GOLM1: variants seen among roughly 807,000 people sequenced by gnomAD.
The protein encoded by GOLM1 is golgi membrane protein 1.
In GOLM1, 31 loss-of-function variants were observed where a neutral mutation model predicts 50.5. The ratio of observed to expected loss-of-function variants is 0.61; its 90% CI spans 0.46 to 0.83. The LOEUF is 0.83. GOLM1 is among the 40% of genes least tolerant of loss of function. The probability of loss-of-function intolerance (pLI) is 0.00; values close to 1 mark genes in which losing one functional copy is unlikely to be tolerated. For missense variants in GOLM1, 491 were observed against 501.3 expected, an observed-to-expected ratio of 0.98 and a Z score of 0.20; for synonymous variants, 178 against 192.8, an observed-to-expected ratio of 0.92 and a Z score of 0.64.
chr9:86,031,449 GTTT>G lies in GOLM1; in HGVS notation c.1129+1830_1129+1832del, dbSNP rs774806772. ...ACCTTATACAAACAATACCACTGAG[GTTT>G]TTTTTTTTTTTTTTTTTTTTTTCCC... On this transcript the variant is annotated intron_variant, in intron 9 of 9. Coordinates refer to ENST00000388712, the MANE Select transcript of GOLM1 (RefSeq NM_016548.4). Among the ~76,000 whole-genome samples, 3 of 79,494 alleles carry G rather than the reference GTTT, an allele frequency of 3.8e-5. 1 individual carries two copies. The highest frequency in any genetic ancestry group is 3.4e-4 in the Admixed American group (2 of 5,944). 52.2% of individuals were successfully genotyped at this position (79,494 alleles called of 152,430 possible). A position where few individuals can be genotyped will look rare whatever the true frequency, so the allele number is the denominator to read the frequency against.
At chr9:86,043,422 A>C (rs1005813445) in intron 5 of GOLM1, among the ~76,000 whole-genome samples, 2 of 152,154 alleles carry the variant, frequency 1.3e-5, no homozygotes, top group Non-Finnish European at 2.9e-5. Flanking sequence ...ACCAGACAGG[A>C]TGTTTTAAGG....
intron 3 of GOLM1, among the ~76,000 whole-genome samples, chr9:86,060,693 A>G (rs1321420026): frequency 6.6e-6 from 1 of 151,896 alleles, no homozygotes; most frequent in African/African-American, 2.4e-5. Flanking sequence ...ACCAGCCTCA[A>G]CATGGAGAAG....
At chr9:86,098,969 G>A (rs1314598036) in intron 1 of GOLM1, among the ~76,000 whole-genome samples, 3 of 152,220 alleles carry the variant, frequency 2.0e-5, no homozygotes, top group Non-Finnish European at 4.4e-5. Flanking sequence ...GGAGCCGAGA[G>A]ACTCGCGGCT....
At position 86,077,525 on chromosome 9, in the gene GOLM1, T is replaced by C; in HGVS notation, c.196A>G (p.Lys66Glu). Reference sequence around the variant, plus strand: ...AGCTCTCCCTGGAACTCGTTCTTCTTCAGCTCCACGGCGCCTCTCTCTGCA... The same window carrying C: ...AGCTCTCCCTGGAACTCGTTCTTCTCCAGCTCCACGGCGCCTCTCTCTGCA... ...AAAERGAVEL[K>E]KNEFQGELEK... Residue 66 changes from lysine (K) to glutamate (E), a missense_variant, in exon 3 of 10, where the codon AAG becomes GAG. Physicochemically the swap from Lys to Glu is moderately conservative, Grantham distance 56. Transcript: ENST00000388712. 6.2e-7 allele frequency: 1 copy of C among 1,613,474 alleles called. No homozygotes were observed. The highest frequency in any genetic ancestry group is 8.5e-7 in the Non-Finnish European group (1 of 1,179,344).
At chr9:86,077,168 T>A (rs1172569523) in intron 3 of GOLM1, among the ~76,000 whole-genome samples, 5 of 150,790 alleles carry the variant, frequency 3.3e-5, no homozygotes, top group African/African-American at 1.2e-4. Flanking sequence ...AATAGGAGGA[T>A]GAATCTGAAA....
intron 9 of GOLM1, among the ~76,000 whole-genome samples, chr9:86,029,248 TAACAGTGACATA>T (rs1013234316): frequency 1.0e-3 from 153 of 152,318 alleles, no homozygotes; most frequent in Middle Eastern, 3.4e-3. Flanking sequence ...TACTTGTTTG[TAACAGTGACATA>T]ATGCCCCATA....
intron 1 of GOLM1, among the ~76,000 whole-genome samples, chr9:86,091,452 C>CT (rs11331870): frequency 1.4e-3 from 207 of 149,408 alleles, no homozygotes; most frequent in African/African-American, 3.7e-3. Flanking sequence ...AAGAATGCAG[C>CT]TTTTTTTTTT....
chr9:86,035,671 T>TTAA, intron 7 of GOLM1, 46 bp from the exon 8 acceptor site: 1 of 872,644 alleles, frequency 1.1e-6, no homozygotes, highest in Non-Finnish European at 1.6e-6. Context: ...GCATTTGATT[T>TTAA]AAAAAAAAAA....
intron 5 of GOLM1, among the ~76,000 whole-genome samples, chr9:86,041,844 C>A (rs1008542935): frequency 6.6e-6 from 1 of 152,148 alleles, no homozygotes; most frequent in Non-Finnish European, 1.5e-5. Context: ...TGGGGCCAGG[C>A]GCAGTGGCTC....
At chr9:86,042,248 T>C (rs1833380357) in intron 5 of GOLM1, among the ~76,000 whole-genome samples, 1 of 152,234 alleles carries the variant, frequency 6.6e-6, no homozygotes, top group South Asian at 2.1e-4. Context: ...TTAAGAGAAT[T>C]ACCCACTCGT....
chr9:86,066,518 GGAAA>G (rs1261590777), intron 3 of GOLM1, among the ~76,000 whole-genome samples: 1 of 152,166 alleles, frequency 6.6e-6, no homozygotes, highest in Admixed American at 6.5e-5. Context: ...CTCCCCTTCA[GGAAA>G]GATACAAGAA....
chr9:86,027,363 C>G lies in GOLM1; in HGVS notation c.*454G>C. On this transcript the variant is annotated 3_prime_UTR_variant, in exon 10 of 10. Coordinates refer to ENST00000388712, the MANE Select transcript of GOLM1 (RefSeq NM_016548.4). ...ACACAAGAGCATTAGCCAGACTTTTCAGTGAGAACAGGTAACAGGCTGGCA... is the reference window on the plus strand; with the variant it reads ...ACACAAGAGCATTAGCCAGACTTTTGAGTGAGAACAGGTAACAGGCTGGCA... 2 of 988,842 alleles carry G rather than the reference C, an allele frequency of 2.0e-6. No individual in the cohort carries two copies. The highest frequency in any genetic ancestry group is 2.4e-6 in the Non-Finnish European group (2 of 832,372). The allele number at this position is 988,842 out of a possible 1,614,324, so 61.3% of individuals were successfully genotyped here.
At chr9:86,069,781 C>G (rs1016699129) in intron 3 of GOLM1, among the ~76,000 whole-genome samples, 3 of 152,212 alleles carry the variant, frequency 2.0e-5, no homozygotes, top group Non-Finnish European at 4.4e-5. Flanking sequence ...TTAGGTGGGA[C>G]CTGTCACACC....
At chr9:86,040,658 G>A in intron 6 of GOLM1, 81 bp downstream of exon 6, 2 of 1,353,414 alleles carry the variant, frequency 1.5e-6, no homozygotes, top group Non-Finnish European at 2.1e-6. Context: ...TCCAGAGAAA[G>A]CCAGGCGGCA....
At chr9:86,098,351 C>T (rs1387710497) in intron 1 of GOLM1, among the ~76,000 whole-genome samples, 2 of 152,186 alleles carry the variant, frequency 1.3e-5, no homozygotes, top group East Asian at 1.9e-4. Flanking sequence ...CCCATGCCCT[C>T]CAAAATTCAG....
rs1833151392 is a variant in GOLM1 at position 86,036,487 on chromosome 9, A to G, written c.618T>C (p.Pro206=). 1 of 1,614,048 alleles carries G rather than the reference A, an allele frequency of 6.2e-7. No homozygotes were observed. Among genetic ancestry groups the G allele is most frequent in the South Asian group, 1.1e-5 (1 of 91,058 alleles). Residue 206 remains proline (P), a synonymous_variant, in exon 7 of 10, where the codon CCT becomes CCC. Coordinates refer to ENST00000388712, the MANE Select transcript of GOLM1 (RefSeq NM_016548.4). ...QRQQLQALSE[P]QPRLQAAGLP... ...GGCCTGCTGCCTGCAGCCTGGGCTGAGGCTCACTGAGGGCTTGGAGCTGAA... is the reference window on the plus strand; with the variant it reads ...GGCCTGCTGCCTGCAGCCTGGGCTGGGGCTCACTGAGGGCTTGGAGCTGAA...
At chr9:86,068,682 T>C (rs1834372506) in intron 3 of GOLM1, among the ~76,000 whole-genome samples, 1 of 152,272 alleles carries the variant, frequency 6.6e-6, no homozygotes, top group South Asian at 2.1e-4. Context: ...AAACTGCAGA[T>C]GCAGGAGCAA....
intron 4 of GOLM1, among the ~76,000 whole-genome samples, chr9:86,049,017 T>C (rs1833649608): frequency 6.6e-6 from 1 of 152,238 alleles, no homozygotes; most frequent in Non-Finnish European, 1.5e-5. Context: ...AGGTCTAACA[T>C]TTAAGTCTTA....
At chr9:86,054,416 G>GA (rs1332917496) in intron 3 of GOLM1, among the ~76,000 whole-genome samples, 1 of 152,040 alleles carries the variant, frequency 6.6e-6, no homozygotes, top group African/African-American at 2.4e-5. Context: ...TAGAGATGGG[G>GA]TTTCACCATG....
Sources: gnomAD v4.1 joint callset for allele counts (sites outside exome capture counted in the v4.1 genomes callset) on GRCh38, gnomAD v4.1.1 for gene constraint, MANE v1.5 for transcripts, NCBI Gene and HGNC (gene_info 2026-07-23, HGNC 2026-07-21) for gene names.